The following DIAPH3 variants were observed in gnomAD, a reference collection of about 807,000 sequenced individuals.
DIAPH3 encodes diaphanous related formin 3, also known as protein diaphanous homolog 3.
In DIAPH3, 117 loss-of-function variants were observed where a neutral mutation model predicts 144.3. The ratio of observed to expected loss-of-function variants is 0.81; its 90% CI spans 0.70 to 0.95. DIAPH3 has a LOEUF of 0.95. Among genes scored for constraint, DIAPH3 ranks in the 40% least tolerant of loss-of-function variants. DIAPH3 has a pLI of 0.00. For missense variants in DIAPH3, 1,421 were observed against 1,412.7 expected (o/e 1.01, Z -0.09); for synonymous variants, 519 against 488.9 (o/e 1.06, Z -0.81).
intron 1 of DIAPH3, among the ~76,000 whole-genome samples, chr13:60,159,050 T>C (rs1952165330): frequency 6.6e-6 from 1 of 150,988 alleles, no homozygotes; most frequent in Non-Finnish European, 1.5e-5. Context: ...TGCTTCCAAA[T>C]AACCCAAAGT....
intron 27 of DIAPH3, among the ~76,000 whole-genome samples, chr13:59,751,542 C>T (rs1305292619): frequency 6.6e-6 from 1 of 152,208 alleles, no homozygotes; most frequent in Non-Finnish European, 1.5e-5. Context: ...TTTCTTCAAT[C>T]AACTGCTATG....
At chr13:59,961,840 T>C (rs936910924) in intron 17 of DIAPH3, among the ~76,000 whole-genome samples, 1 of 152,154 alleles carries the variant, frequency 6.6e-6, no homozygotes, top group African/African-American at 2.4e-5. Flanking sequence ...TGGGAGCAAA[T>C]AAAGTAACAT....
intron 3 of DIAPH3, among the ~76,000 whole-genome samples, chr13:60,105,351 C>G (rs1055041937): frequency 6.6e-6 from 1 of 152,136 alleles, no homozygotes; most frequent in African/African-American, 2.4e-5. Flanking sequence ...GGCAAAACAG[C>G]ATGCTGAAAT....
intron 4 of DIAPH3, among the ~76,000 whole-genome samples, chr13:60,043,087 T>A (rs1217285988): frequency 6.6e-6 from 1 of 152,184 alleles, no homozygotes; most frequent in Non-Finnish European, 1.5e-5. Context: ...AGAACAATTG[T>A]ATACTATAGA....
At chr13:59,983,529 G>C (rs1399971151) in intron 13 of DIAPH3, among the ~76,000 whole-genome samples, 2 of 151,524 alleles carry the variant, frequency 1.3e-5, no homozygotes, top group African/African-American at 4.8e-5. Flanking sequence ...CCACAGTTTA[G>C]TGCCACTGCC....
chr13:59,840,731 G>C (rs2042294474), intron 22 of DIAPH3, among the ~76,000 whole-genome samples: 1 of 152,000 alleles, frequency 6.6e-6, no homozygotes, highest in Admixed American at 6.6e-5. Flanking sequence ...ACTTGTTTGT[G>C]CTTGAAGAGT....
chr13:59,857,582 T>C (rs916847059), intron 22 of DIAPH3, among the ~76,000 whole-genome samples: 2 of 152,222 alleles, frequency 1.3e-5, no homozygotes, highest in Non-Finnish European at 2.9e-5. Flanking sequence ...ATACACTGAA[T>C]ATTGATCTCT....
chr13:60,041,312 T>A (rs542778625), intron 5 of DIAPH3, among the ~76,000 whole-genome samples: 1 of 152,324 alleles, frequency 6.6e-6, no homozygotes, highest in Admixed American at 6.5e-5. Flanking sequence ...CAAATCTTTA[T>A]GGAGCATTTC....
chr13:60,153,055 C>G (rs1951871889), intron 1 of DIAPH3, among the ~76,000 whole-genome samples: 1 of 152,080 alleles, frequency 6.6e-6, no homozygotes. Context: ...ATGACCCACT[C>G]TATAACCATG....
chr13:59,864,781 C>A (rs1370202786), intron 21 of DIAPH3, among the ~76,000 whole-genome samples: 1 of 151,884 alleles, frequency 6.6e-6, no homozygotes, highest in Non-Finnish European at 1.5e-5. Flanking sequence ...AGGGTGCTAC[C>A]ATGGGTTGTC....
At chr13:60,016,772 C>T (rs1277264198) in intron 5 of DIAPH3, among the ~76,000 whole-genome samples, 1 of 152,146 alleles carries the variant, frequency 6.6e-6, no homozygotes, top group Admixed American at 6.5e-5. Flanking sequence ...AAACAAACTG[C>T]ATCACTGGGT....
At chr13:59,822,164 G>C (rs917334639) in intron 24 of DIAPH3, among the ~76,000 whole-genome samples, 2 of 152,228 alleles carry the variant, frequency 1.3e-5, no homozygotes, top group African/African-American at 4.8e-5. Context: ...TAAGATGTTT[G>C]TAATAAAGTT....
chr13:59,904,384 C>T (rs1392811989), intron 20 of DIAPH3, among the ~76,000 whole-genome samples: 5 of 152,092 alleles, frequency 3.3e-5, no homozygotes, highest in African/African-American at 1.2e-4. Context: ...AACTGCTGTA[C>T]TTTAAATATA....
At chr13:59,810,170 G>A (rs1024990244) in intron 25 of DIAPH3, among the ~76,000 whole-genome samples, 1 of 151,324 alleles carries the variant, frequency 6.6e-6, no homozygotes, top group Admixed American at 6.6e-5. Context: ...TCTTTTTGTT[G>A]TTTTTTTGAA....
intron 22 of DIAPH3, among the ~76,000 whole-genome samples, chr13:59,855,304 C>T (rs1418517846): frequency 6.6e-6 from 1 of 152,012 alleles, no homozygotes; most frequent in Admixed American, 6.6e-5. Flanking sequence ...CCTGTAATTA[C>T]CTTGGGAATG....
chr13:59,737,745 A>G (rs1188757664), intron 27 of DIAPH3, among the ~76,000 whole-genome samples: 4 of 152,238 alleles, frequency 2.6e-5, no homozygotes, highest in Non-Finnish European at 4.4e-5. Context: ...TTCCAAATGA[A>G]TTAACCTATA....
chr13:60,111,732 G>A (rs1041385008), intron 3 of DIAPH3, among the ~76,000 whole-genome samples: 2 of 152,178 alleles, frequency 1.3e-5, no homozygotes, highest in African/African-American at 2.4e-5. Context: ...GTTGGGGACC[G>A]CTGACTTAAA....
intron 4 of DIAPH3, among the ~76,000 whole-genome samples, chr13:60,047,360 T>C (rs960699947): frequency 2.6e-5 from 4 of 152,126 alleles, no homozygotes; most frequent in African/African-American, 9.7e-5. Context: ...CTAAAATTTA[T>C]ATGAAAATAA....
intron 5 of DIAPH3, among the ~76,000 whole-genome samples, chr13:60,018,637 A>G (rs2053812703): frequency 6.6e-6 from 1 of 152,148 alleles, no homozygotes; most frequent in South Asian, 2.1e-4. Context: ...ATAAAACAAA[A>G]CTTATTAAAG....
Sources: gnomAD v4.1 joint callset for allele counts (sites outside exome capture counted in the v4.1 genomes callset) on GRCh38, gnomAD v4.1.1 for gene constraint, MANE v1.5 for transcripts, NCBI Gene and HGNC (gene_info 2026-07-23, HGNC 2026-07-21) for gene names.